OSBPL10: variants seen among roughly 807,000 people sequenced by gnomAD.
OSBPL10 encodes oxysterol binding protein like 10, also known as oxysterol-binding protein-related protein 10.
Under a neutral mutation model 81.7 loss-of-function variants are expected in OSBPL10, and 49 were observed. The observed-to-expected ratio is 0.60, with a 90% confidence interval of 0.48 to 0.76. The LOEUF (loss-of-function observed/expected upper bound fraction) is 0.76. OSBPL10 is among the 30% of genes least tolerant of loss of function. OSBPL10 has a pLI of 0.00. For missense variants in OSBPL10, 923 were observed against 987.8 expected, an observed-to-expected ratio of 0.93 and a Z score of 0.88; for synonymous variants, 419 against 383.6, an observed-to-expected ratio of 1.09 and a Z score of -1.08.
At chr3:31,864,508 AGG>A (rs1031471257) in intron 3 of OSBPL10, among the ~76,000 whole-genome samples, 6 of 152,060 alleles carry the variant, frequency 3.9e-5, no homozygotes, top group Non-Finnish European at 7.4e-5. Flanking sequence ...CCAAAGTGCT[AGG>A]ATTACAGGAG....
At chr3:31,953,759 T>C (rs1424616144) in intron 1 of OSBPL10, among the ~76,000 whole-genome samples, 1 of 152,132 alleles carries the variant, frequency 6.6e-6, no homozygotes, top group African/African-American at 2.4e-5. Flanking sequence ...TCATGTCAAT[T>C]TTCTTCAAAA....
chr3:31,662,742 C>A, intron 11 of OSBPL10: 1 of 985,454 alleles, frequency 1.0e-6, no homozygotes. Context: ...TTCTTAAACT[C>A]AGGAAGAACT....
At chr3:31,670,006 G>A (rs1257061072) in intron 9 of OSBPL10, among the ~76,000 whole-genome samples, 3 of 152,188 alleles carry the variant, frequency 2.0e-5, no homozygotes, top group Non-Finnish European at 2.9e-5. Context: ...CACCTGATCT[G>A]TACCATTTGC....
chr3:32,067,317 G>A (rs1202714140), intron 1 of OSBPL10, among the ~76,000 whole-genome samples: 3 of 152,090 alleles, frequency 2.0e-5, no homozygotes, highest in African/African-American at 7.2e-5. Flanking sequence ...CCCTTCTGTG[G>A]AACCCAGAGC....
chr3:31,972,501 T>C (rs1021698305), intron 1 of OSBPL10, among the ~76,000 whole-genome samples: 1 of 152,218 alleles, frequency 6.6e-6, no homozygotes, highest in Non-Finnish European at 1.5e-5. Flanking sequence ...CACACAGCTC[T>C]GACGGAGTGA....
At chr3:31,980,750 A>G (rs1698812314) in intron 1 of OSBPL10, 149 bp downstream of exon 1, 1 of 1,071,934 alleles carries the variant, frequency 9.3e-7, no homozygotes, top group Admixed American at 3.8e-5. Context: ...GCAGGGACGC[A>G]GGAAGGGCAC....
intron 5 of OSBPL10, among the ~76,000 whole-genome samples, chr3:31,736,719 G>A (rs1697185909): frequency 1.3e-5 from 2 of 152,208 alleles, no homozygotes; most frequent in Non-Finnish European, 2.9e-5. Context: ...GGGCAACACA[G>A]TGAGACCCTG....
intron 6 of OSBPL10, chr3:31,703,474 A>G (rs554960655): frequency 6.6e-6 from 1 of 152,368 alleles, no homozygotes; most frequent in South Asian, 2.1e-4. Context: ...ATGAAAGGAT[A>G]CAGACTTGTC....
Position 31,823,697 on chromosome 3 carries a change from T to TA in OSBPL10, c.729+6342dup, listed in dbSNP as rs569725145. 3.1e-3 allele frequency among the ~76,000 whole-genome samples: 472 copies of TA among 152,346 alleles called. 6 individuals carry two copies. The highest frequency in any genetic ancestry group is 5.6e-4 in the Non-Finnish European group (38 of 68,042). The stretch of plus-strand genomic sequence containing the variant: ...TATGATTTCCTTAGTATATGAGTAT[T>TA]AAAAATTATGACACATTTTACCTTG... On this transcript the variant is annotated intron_variant, in intron 4 of 11. Transcript: ENST00000396556.
chr3:31,878,749 C>T (rs778071400), intron 2 of OSBPL10, among the ~76,000 whole-genome samples: 2 of 152,024 alleles, frequency 1.3e-5, no homozygotes, highest in Non-Finnish European at 2.9e-5. Flanking sequence ...TTTCAACCAC[C>T]TCTCAATACT....
intron 3 of OSBPL10, among the ~76,000 whole-genome samples, chr3:31,870,884 G>C (rs548496121): frequency 3.3e-5 from 5 of 151,748 alleles, no homozygotes; most frequent in African/African-American, 9.7e-5. Flanking sequence ...TACACCAATC[G>C]ACACTCTGTA....
intron 2 of OSBPL10, among the ~76,000 whole-genome samples, chr3:32,000,820 G>A (rs112422835): frequency 2.4e-4 from 37 of 152,210 alleles, no homozygotes; most frequent in Admixed American, 4.6e-4. Flanking sequence ...CCGGCCATGC[G>A]GTTCACATGG....
chr3:31,718,851 C>T (rs142515411), intron 6 of OSBPL10: 5 of 152,236 alleles, frequency 3.3e-5, no homozygotes, highest in Admixed American at 2.6e-4. Context: ...CAAATCAGAA[C>T]CTCCATGGAA....
intron 7 of OSBPL10, 114 bp downstream of exon 7, chr3:31,702,245 C>T (rs551627975): frequency 7.8e-7 from 1 of 1,283,440 alleles, no homozygotes; most frequent in Admixed American, 2.6e-5. Flanking sequence ...GGCCTTTTTC[C>T]CCACTCTTCT....
chr3:32,028,131 C>T (rs746227648), intron 2 of OSBPL10, among the ~76,000 whole-genome samples: 1 of 152,174 alleles, frequency 6.6e-6, no homozygotes, highest in Non-Finnish European at 1.5e-5. Context: ...GGCCAGAGCT[C>T]TTGTTGCTCC....
Position 31,988,607 on chromosome 3 carries a change from G to A in OSBPL10, n.298+57884C>T, listed in dbSNP as rs1028640329. On this transcript the variant is annotated intron_variant and non_coding_transcript_variant, in intron 2 of 3. Coordinates refer to the OSBPL10 transcript ENST00000479173. ...TATAAACAGGGGAGTGTTCACTCTC[G>A]CTCTCTCTCTCTCTTTCTCTCTCCC... 9.2e-4 allele frequency: 157 copies of A among 171,170 alleles called. 2 individuals are homozygous for A. Among genetic ancestry groups the A allele is most frequent in the African/African-American group, 3.4e-3 (141 of 41,702 alleles). The allele number at this position is 171,170 out of a possible 1,614,324, so 10.6% of individuals were successfully genotyped here. A position where few individuals can be genotyped will look rare whatever the true frequency, so the allele number is the denominator to read the frequency against.
intron 4 of OSBPL10, chr3:31,822,358 A>T (rs1239362686): frequency 6.6e-6 from 1 of 152,216 alleles, no homozygotes; most frequent in Non-Finnish European, 1.5e-5. Flanking sequence ...CACACACCCA[A>T]TATTCAACAG....
At chr3:32,020,311 T>G (rs1221232218) in intron 2 of OSBPL10, among the ~76,000 whole-genome samples, 1 of 152,202 alleles carries the variant, frequency 6.6e-6, no homozygotes, top group Non-Finnish European at 1.5e-5. Context: ...ATACTCCACT[T>G]CCATATCCAG....
At chr3:32,022,557 G>T (rs190866938) in intron 2 of OSBPL10, among the ~76,000 whole-genome samples, 1 of 152,094 alleles carries the variant, frequency 6.6e-6, no homozygotes, top group Non-Finnish European at 1.5e-5. Flanking sequence ...AGGCTGAGGC[G>T]GATGGATTGC....
Sources: allele counts gnomAD v4.1 joint callset (sites outside exome capture counted in the v4.1 genomes callset), GRCh38; gene constraint gnomAD v4.1.1; transcripts MANE v1.5; gene names NCBI Gene and HGNC (gene_info 2026-07-23, HGNC 2026-07-21).